Variants in EHBP1 observed in about 807,000 individuals in gnomAD.
EHBP1 encodes EH domain binding protein 1.
EHBP1 carries 55 observed loss-of-function variants against 144.0 expected under a neutral mutation model. The observed-to-expected ratio is 0.38, with a 90% CI of 0.31 to 0.48. EHBP1 has a LOEUF of 0.48. Among genes scored for constraint, EHBP1 ranks in the 20% least tolerant of loss-of-function variants. EHBP1 has a pLI of 0.98. For synonymous variants in EHBP1, 469 were observed against 472.7 expected (o/e 0.99, Z 0.10); for missense variants, 1,200 against 1,364.2 (o/e 0.88, Z 1.90).
upstream of EHBP1, among the ~76,000 whole-genome samples, chr2:62,702,499 G>C (rs1407263294): frequency 6.6e-6 from 1 of 152,120 alleles, no homozygotes; most frequent in African/African-American, 2.4e-5. Context: ...CTTAAGAAAA[G>C]GGTAACTTCT....
chr2:62,915,792 G>A (rs141140775), intron 10 of EHBP1, among the ~76,000 whole-genome samples: 15 of 152,032 alleles, frequency 9.9e-5, no homozygotes, highest in East Asian at 9.7e-4. Flanking sequence ...CGATAACAAC[G>A]TACTGGTAAA....
chr2:62,883,572 A>T (rs1353935475), intron 10 of EHBP1, among the ~76,000 whole-genome samples: 1 of 152,298 alleles, frequency 6.6e-6, no homozygotes. Context: ...AATTAATGCT[A>T]AAAAAGACTA....
chr2:62,874,581 C>A, intron 10 of EHBP1, 49 bp downstream of exon 10: 1 of 1,437,394 alleles, frequency 7.0e-7, no homozygotes, highest in Non-Finnish European at 9.4e-7. Context: ...GCTGTTTTCT[C>A]CCCGTGCCAT....
At chr2:62,753,911 T>A (rs542029480) in intron 3 of EHBP1, among the ~76,000 whole-genome samples, 1 of 152,296 alleles carries the variant, frequency 6.6e-6, no homozygotes, top group African/African-American at 2.4e-5. Context: ...TTCTTCAAAG[T>A]TTTTAGCTCC....
chr2:62,866,333 A>G (rs199645445), intron 9 of EHBP1, among the ~76,000 whole-genome samples: 1 of 152,258 alleles, frequency 6.6e-6, no homozygotes, highest in African/African-American at 2.4e-5. Context: ...CATGAAATTC[A>G]TACTGTATGA....
chr2:62,925,705 G>T (rs1005377961), intron 10 of EHBP1, among the ~76,000 whole-genome samples: 12 of 151,922 alleles, frequency 7.9e-5, no homozygotes, highest in African/African-American at 2.7e-4. Context: ...TAACCAAGGA[G>T]GTGAAAGACT....
intron 4 of EHBP1, among the ~76,000 whole-genome samples, chr2:62,767,051 G>A: frequency 6.6e-6 from 1 of 151,618 alleles, no homozygotes; most frequent in East Asian, 1.9e-4. Flanking sequence ...TAATGAGGGA[G>A]AGGTAAGAGG....
chr2:62,681,150 T>G (rs2033500032), intron 1 of EHBP1, among the ~76,000 whole-genome samples: 1 of 150,964 alleles, frequency 6.6e-6, no homozygotes, highest in Admixed American at 6.6e-5. Context: ...CCGTCTCTAC[T>G]AAAAATACAA....
At chr2:62,747,489 A>C (rs746390309) in intron 3 of EHBP1, 37 bp downstream of exon 3, 1 of 1,502,358 alleles carries the variant, frequency 6.7e-7, no homozygotes. Flanking sequence ...CTAATTGTTG[A>C]ATACAAATTA....
intron 15 of EHBP1, 84 bp from the exon 16 acceptor site, chr2:62,990,632 C>CT: frequency 4.3e-6 from 6 of 1,390,648 alleles, no homozygotes; most frequent in Non-Finnish European, 4.0e-6. Context: ...TATAGTAATA[C>CT]TTTTCTGAGC....
At chr2:63,001,385 T>C (rs1050949913) in intron 19 of EHBP1, among the ~76,000 whole-genome samples, 22 of 152,184 alleles carry the variant, frequency 1.4e-4, no homozygotes, top group African/African-American at 4.3e-4. Context: ...TTTAAAAATA[T>C]GAAATATACT....
rs1263624984 is a variant in EHBP1, at chr2:62,955,701, G to A, written c.2460+41G>A. 2.5e-6 allele frequency: 4 copies of A among 1,572,584 alleles called. No individual in the cohort carries two copies. The East Asian group carries it at 6.8e-5, about 27-fold the overall frequency. The stretch of plus-strand genomic sequence containing the variant: ...TAAAAAAGACCATAAGTTGTTCATT[G>A]TAATCATGGGGAGGAGGGAAGTAAT... On this transcript the variant is annotated intron_variant, in intron 14 of 22. Transcript: ENST00000431489.
chr2:62,862,254 A>G (rs972221997), intron 8 of EHBP1, among the ~76,000 whole-genome samples: 6 of 152,204 alleles, frequency 3.9e-5, no homozygotes, highest in African/African-American at 1.4e-4. Flanking sequence ...TCTTTTCAAC[A>G]TAAAGACAAA....
intron 10 of EHBP1, among the ~76,000 whole-genome samples, chr2:62,932,887 G>A (rs1665623177): frequency 6.6e-6 from 1 of 150,750 alleles, no homozygotes; most frequent in African/African-American, 2.4e-5. Context: ...CCAGGAAAGG[G>A]AGGTTGCAGT....
chr2:62,875,688 A>G (rs940787579), intron 10 of EHBP1, among the ~76,000 whole-genome samples: 38 of 152,236 alleles, frequency 2.5e-4, no homozygotes, highest in African/African-American at 8.2e-4. Flanking sequence ...GGATAGCCAT[A>G]GAGATCATCA....
intron 2 of EHBP1, among the ~76,000 whole-genome samples, chr2:62,742,837 TTCTG>T: frequency 6.6e-6 from 1 of 152,274 alleles, no homozygotes; most frequent in African/African-American, 2.4e-5. Flanking sequence ...ATTTATTTAA[TTCTG>T]TCTGTTCATA....
chr2:62,831,432 T>C (rs992769527), intron 7 of EHBP1, among the ~76,000 whole-genome samples: 1 of 152,328 alleles, frequency 6.6e-6, no homozygotes, highest in Non-Finnish European at 1.5e-5. Context: ...GTCATACTTA[T>C]TTTGTCAATG....
chr2:62,790,467 G>C (rs1252078754), intron 5 of EHBP1, among the ~76,000 whole-genome samples: 1 of 151,982 alleles, frequency 6.6e-6, no homozygotes, highest in Non-Finnish European at 1.5e-5. Context: ...GCTTGTTGGT[G>C]GCATGTTTAA....
chr2:62,990,905 T>A (rs2059388527), intron 16 of EHBP1, 65 bp downstream of exon 16: 2 of 1,515,914 alleles, frequency 1.3e-6, no homozygotes, highest in South Asian at 2.6e-5. Flanking sequence ...GCCAGGAGTT[T>A]GTAATTCCAA....
Sources: allele counts gnomAD v4.1 joint callset (sites outside exome capture counted in the v4.1 genomes callset), GRCh38; gene constraint gnomAD v4.1.1; transcripts MANE v1.5; gene names NCBI Gene and HGNC (gene_info 2026-07-23, HGNC 2026-07-21).